RAI14: variants seen among roughly 807,000 people sequenced by gnomAD.
The protein encoded by RAI14 is ankycorbin.
RAI14 carries 45 observed loss-of-function variants against 115.4 expected under a neutral mutation model. The observed-to-expected ratio is 0.39, with a 90% CI of 0.31 to 0.50. RAI14 has a LOEUF of 0.50. Ranked by LOEUF, RAI14 falls within the 20% of genes least tolerant of loss-of-function variation. RAI14 has a pLI of 0.85. For missense variants in RAI14, 939 were observed against 1,131.2 expected (o/e 0.83, Z 2.44); for synonymous variants, 371 against 415.4 (o/e 0.89, Z 1.30).
chr5:34,762,081 T>C (rs1353496123), intron 3 of RAI14, among the ~76,000 whole-genome samples: 2 of 152,208 alleles, frequency 1.3e-5, no homozygotes, highest in Non-Finnish European at 2.9e-5. Flanking sequence ...TCTTTCCCAT[T>C]GTTCTAGGCC....
chr5:34,724,341 T>A (rs1226094162), intron 2 of RAI14, among the ~76,000 whole-genome samples: 1 of 152,152 alleles, frequency 6.6e-6, no homozygotes, highest in East Asian at 1.9e-4. Context: ...AGAGGACAGA[T>A]CCATATCCTT....
intron 1 of RAI14, among the ~76,000 whole-genome samples, chr5:34,661,340 A>G (rs1197384729): frequency 6.6e-6 from 1 of 152,020 alleles, no homozygotes; most frequent in Admixed American, 6.6e-5. Context: ...GGGGTTTGCC[A>G]CTCTTGTTTA....
chr5:34,788,161 T>G (rs959781816), intron 3 of RAI14, among the ~76,000 whole-genome samples: 22 of 152,038 alleles, frequency 1.4e-4, no homozygotes, highest in Admixed American at 1.2e-3. Flanking sequence ...TCAAGCAATC[T>G]GCCTTCCTCC....
At chr5:34,732,288 T>A (rs374891915) in intron 2 of RAI14, among the ~76,000 whole-genome samples, 2 of 152,018 alleles carry the variant, frequency 1.3e-5, no homozygotes, top group South Asian at 4.2e-4. Flanking sequence ...GCCAGACAAA[T>A]GTGGCCCATG....
At chr5:34,720,709 A>C (rs1742603354) in intron 2 of RAI14, among the ~76,000 whole-genome samples, 1 of 151,898 alleles carries the variant, frequency 6.6e-6, no homozygotes, top group South Asian at 2.1e-4. Flanking sequence ...CGCGCCCGGC[A>C]GATTTTTTTT....
At chr5:34,735,928 G>A (rs1744814062) in intron 2 of RAI14, among the ~76,000 whole-genome samples, 1 of 152,206 alleles carries the variant, frequency 6.6e-6, no homozygotes, top group Admixed American at 6.5e-5. Flanking sequence ...CTCACAGAGT[G>A]CAGAATACGT....
chr5:34,815,198 T>G (rs1455508311), intron 12 of RAI14, among the ~76,000 whole-genome samples: 1 of 151,934 alleles, frequency 6.6e-6, no homozygotes, highest in African/African-American at 2.4e-5. Context: ...CTGGCCAACA[T>G]GGTGAAACTC....
rs187487511 is a variant in RAI14, at chr5:34,763,808, G to A, written c.167+6210G>A. On this transcript the variant is annotated intron_variant, in intron 3 of 17. Transcript: ENST00000265109. The stretch of plus-strand genomic sequence containing the variant: ...TTATACTGTAACCAGGGTGGATACA[G>A]GCAAATGGGGTTCAGGTAACAGCAT... 3.9e-5 allele frequency among the ~76,000 whole-genome samples: 6 copies of A among 152,298 alleles called. No homozygotes were observed. In the East Asian group the frequency reaches 1.2e-3, roughly 29 times the overall value.
At chr5:34,803,520 GCATTC>G (rs1449451646) in intron 4 of RAI14, among the ~76,000 whole-genome samples, 187 bp from the exon 5 acceptor site, 1 of 151,990 alleles carries the variant, frequency 6.6e-6, no homozygotes, top group African/African-American at 2.4e-5. Flanking sequence ...TCGCGTCACT[GCATTC>G]CAGCCTGGGT....
chr5:34,799,528 ACACAC>A (rs1293511944), intron 4 of RAI14, among the ~76,000 whole-genome samples: 175 of 97,942 alleles, frequency 1.8e-3, no homozygotes, highest in African/African-American at 5.3e-3. Context: ...ACACACACAC[ACACAC>A]ACACACAAAA....
chr5:34,718,301 T>C lies in RAI14; in HGVS notation c.36+31346T>C, dbSNP rs1402607052. On this transcript the variant is annotated intron_variant, in intron 2 of 17. Coordinates refer to ENST00000265109, the MANE Select transcript of RAI14 (RefSeq NM_015577.3). ...AACTGATCAGGCATGAATGTTAATT[T>C]ACACACCATAAGGTACGTGGTTAGT... 3.3e-5 allele frequency among the ~76,000 whole-genome samples: 5 copies of C among 152,264 alleles called. No individual in the cohort carries two copies. The East Asian group carries it at 9.6e-4, about 29-fold the overall frequency.
intron 2 of RAI14, among the ~76,000 whole-genome samples, chr5:34,743,283 C>T (rs1221939518): frequency 6.6e-6 from 1 of 152,096 alleles, no homozygotes; most frequent in Non-Finnish European, 1.5e-5. Flanking sequence ...AAAACTGTTC[C>T]ATGTCTGTCT....
At chr5:34,742,084 G>A (rs935655202) in intron 2 of RAI14, among the ~76,000 whole-genome samples, 2 of 152,162 alleles carry the variant, frequency 1.3e-5, no homozygotes, top group Non-Finnish European at 2.9e-5. Context: ...AACGAGAGAC[G>A]TGGCGCTGAC....
chr5:34,671,349 C>T (rs1052396747), intron 1 of RAI14, among the ~76,000 whole-genome samples: 2 of 152,142 alleles, frequency 1.3e-5, no homozygotes, highest in Non-Finnish European at 2.9e-5. Flanking sequence ...GGTTAATTAT[C>T]CCTTCTACGT....
rs774301029 is a variant in RAI14, at chr5:34,824,198, C to T, written c.2356C>T (p.Arg786Trp). The T allele has an allele frequency of 1.2e-5, 19 of 1,614,172 alleles. No individual in the cohort carries two copies. Among genetic ancestry groups the T allele is most frequent in the East Asian group, 4.5e-5 (2 of 44,882 alleles). ...KAAMTDAMVP[R>W]SSYEKLQSSL... is the part of the protein sequence containing the mutation. ...TGCTATGACTGATGCAATGGTACCT[C>T]GGTCTTCCTATGAAAAACTCCAGTC... The change falls in exon 15 of 18, where the codon CGG (arginine) becomes TGG (tryptophan). Residue 786 changes from arginine (R) to tryptophan (W), a missense_variant. Transcript: ENST00000265109.
intron 3 of RAI14, among the ~76,000 whole-genome samples, chr5:34,770,173 G>A (rs894000354): frequency 6.6e-6 from 1 of 152,164 alleles, no homozygotes; most frequent in Admixed American, 6.5e-5. Context: ...CCCATTCCCC[G>A]GTGATGCGGA....
chr5:34,754,557 A>C (rs1747636961), intron 2 of RAI14, among the ~76,000 whole-genome samples: 2 of 132,182 alleles, frequency 1.5e-5, no homozygotes, highest in South Asian at 2.5e-4. Context: ...TTCCCAACCT[A>C]GCTCTGCTTA....
In RAI14 at chr5:34,676,903, C is replaced by T. The variant is rs552744442; in HGVS notation, c.-48-9969C>T. Among the ~76,000 whole-genome samples, 139 of 152,270 alleles carry T rather than the reference C, an allele frequency of 9.1e-4. 1 individual carries two copies. Among genetic ancestry groups the T allele is most frequent in the African/African-American group, 3.2e-3 (133 of 41,554 alleles). ...ATTTTAAAGTATTTTAGAAAGGATT[C>T]ATTGCCAAGATGACATTATTGTTAT... On this transcript the variant is annotated intron_variant, in intron 1 of 17. Transcript: ENST00000265109.
rs535117019 is a variant in RAI14, at chr5:34,827,861, A to G, written c.2799+1382A>G. On this transcript the variant is annotated intron_variant, in intron 16 of 17. Transcript: ENST00000265109. This position sits in a 1 kb window ranked among gnomAD's most constrained non-coding sequence, Gnocchi z 4.2. ...TGCCCTCAAGGAGTTTATACTCTATATAAGTTATCAGCAAAGAGATGCCCA... is the reference window on the plus strand; with the variant it reads ...TGCCCTCAAGGAGTTTATACTCTATGTAAGTTATCAGCAAAGAGATGCCCA... Among the ~76,000 whole-genome samples, 1 of 152,350 alleles carries G rather than the reference A, an allele frequency of 6.6e-6. No homozygotes were observed. Among genetic ancestry groups the G allele is most frequent in the South Asian group, 2.1e-4 (1 of 4,826 alleles).
Sources: allele counts gnomAD v4.1 joint callset (sites outside exome capture counted in the v4.1 genomes callset), GRCh38; gene constraint gnomAD v4.1.1; non-coding constraint Gnocchi (gnomAD v3.1); transcripts MANE v1.5; gene names NCBI Gene and HGNC (gene_info 2026-07-23, HGNC 2026-07-21).